Variants in EXOC4 observed in about 807,000 individuals in gnomAD.
EXOC4 encodes SEC8-like 1.
Under a neutral mutation model 107.2 loss-of-function variants are expected in EXOC4, and 71 were observed. The observed-to-expected ratio is 0.66, with a 90% CI of 0.55 to 0.81. The LOEUF (loss-of-function observed/expected upper bound fraction) is 0.81, where lower values mean the gene tolerates loss of function less well. Ranked by LOEUF, EXOC4 falls within the 30% of genes least tolerant of loss-of-function variation. The probability of loss-of-function intolerance (pLI) is 0.00; values close to 1 mark genes in which losing one functional copy is unlikely to be tolerated. For missense variants in EXOC4, 1,108 were observed against 1,189.6 expected, an observed-to-expected ratio of 0.93 and a Z score of 1.01; for synonymous variants, 456 against 441.2, an observed-to-expected ratio of 1.03 and a Z score of -0.42.
chr7:133,395,270 C>T (rs1314722655), intron 7 of EXOC4, among the ~76,000 whole-genome samples: 2 of 152,056 alleles, frequency 1.3e-5, no homozygotes, highest in Non-Finnish European at 2.9e-5. Context: ...TAAAATTTTT[C>T]TCTACCCACA....
At chr7:134,055,854 C>T (rs1229091214) in intron 17 of EXOC4, among the ~76,000 whole-genome samples, 1 of 152,134 alleles carries the variant, frequency 6.6e-6, no homozygotes, top group African/African-American at 2.4e-5. Context: ...ATAAATAAAG[C>T]TTCTTGAAGC....
chr7:133,508,119 T>A (rs557465939), intron 9 of EXOC4, among the ~76,000 whole-genome samples: 1 of 152,110 alleles, frequency 6.6e-6, no homozygotes, highest in African/African-American at 2.4e-5. Context: ...ATTTTTTTTT[T>A]ATCCATGACT....
chr7:133,325,628 C>T (rs1228099020), intron 5 of EXOC4, among the ~76,000 whole-genome samples: 2 of 152,208 alleles, frequency 1.3e-5, no homozygotes, highest in African/African-American at 4.8e-5. Flanking sequence ...ACCTTTCTCT[C>T]TGGCTGCCCT....
chr7:133,675,255 A>G (rs966357062), intron 10 of EXOC4, among the ~76,000 whole-genome samples: 6 of 152,168 alleles, frequency 3.9e-5, no homozygotes, highest in Non-Finnish European at 8.8e-5. Context: ...TCAGCTATCC[A>G]TAAATGCAAT....
intron 12 of EXOC4, among the ~76,000 whole-genome samples, chr7:133,905,408 T>C (rs1799543654): frequency 6.6e-6 from 1 of 152,084 alleles, no homozygotes. Context: ...CCCTTGGGGC[T>C]TAAAGGGAAA....
chr7:134,067,828 TC>T (rs368053093), downstream of EXOC4, among the ~76,000 whole-genome samples: 309 of 152,302 alleles, frequency 2.0e-3, 1 homozygote, highest in African/African-American at 7.3e-3. Context: ...AGCACTTCTT[TC>T]TACCTGCTCT....
intron 7 of EXOC4, among the ~76,000 whole-genome samples, chr7:133,444,547 C>T (rs978628231): frequency 1.3e-5 from 2 of 152,142 alleles, no homozygotes; most frequent in African/African-American, 4.8e-5. Context: ...AGGGTAATTC[C>T]TTACTGATGA....
At chr7:133,781,747 C>G (rs758169598) in intron 10 of EXOC4, among the ~76,000 whole-genome samples, 3 of 152,186 alleles carry the variant, frequency 2.0e-5, no homozygotes, top group Admixed American at 6.5e-5. Context: ...AGTGACTCAT[C>G]ATGATCACTG....
intron 11 of EXOC4, among the ~76,000 whole-genome samples, chr7:133,872,852 G>A (rs1174748161): frequency 1.3e-5 from 2 of 152,186 alleles, no homozygotes; most frequent in Non-Finnish European, 2.9e-5. Flanking sequence ...TTTAAGAAAT[G>A]CATACTTAAT....
chr7:133,684,158 T>C (rs1285364514), intron 10 of EXOC4, among the ~76,000 whole-genome samples: 1 of 152,186 alleles, frequency 6.6e-6, no homozygotes, highest in Non-Finnish European at 1.5e-5. Flanking sequence ...ATAAGGAACT[T>C]GAGTGAGAAC....
At chr7:133,803,566 G>A (rs1054590641) in intron 10 of EXOC4, among the ~76,000 whole-genome samples, 19 of 152,082 alleles carry the variant, frequency 1.2e-4, no homozygotes, top group Admixed American at 8.5e-4. Context: ...TATTGTAATC[G>A]AAATTCTTCT....
At chr7:134,059,171 A>G (rs1795997857) in intron 17 of EXOC4, among the ~76,000 whole-genome samples, 1 of 152,194 alleles carries the variant, frequency 6.6e-6, no homozygotes, top group Non-Finnish European at 1.5e-5. Context: ...GCCTACAAGT[A>G]CAGGAACAAG....
rs143452255 is a variant in EXOC4, at chr7:133,382,133, G to T, written c.1182+7131G>T. On this transcript the variant is annotated intron_variant, in intron 7 of 17. Coordinates refer to ENST00000253861, the MANE Select transcript of EXOC4 (RefSeq NM_021807.4). ...GTAGAGAGGGTAGAGACTAAGACAGGCAAACTATTTTGTAGGCTAGTGGAG... is the reference window on the plus strand; with the variant it reads ...GTAGAGAGGGTAGAGACTAAGACAGTCAAACTATTTTGTAGGCTAGTGGAG... Among the ~76,000 whole-genome samples the T allele has an allele frequency of 1.2e-3, 184 of 152,218 alleles. 1 individual carries two copies. Among genetic ancestry groups the T allele is most frequent in the African/African-American group, 4.2e-3 (175 of 41,542 alleles).
At chr7:133,378,309 C>CA (rs61241527) in intron 7 of EXOC4, among the ~76,000 whole-genome samples, 61,012 of 105,384 alleles carry the variant, frequency 0.58, 15,109 homozygotes, top group East Asian at 0.65. Flanking sequence ...GACTCCATCT[C>CA]AAAAAAAAAA....
intron 6 of EXOC4, among the ~76,000 whole-genome samples, chr7:133,365,954 A>T (rs966488983): frequency 6.6e-6 from 1 of 152,194 alleles, no homozygotes; most frequent in Admixed American, 6.5e-5. Context: ...TTCTATGGTT[A>T]TTGCTTTTGT....
chr7:133,993,784 A>G (rs979261406), intron 14 of EXOC4, among the ~76,000 whole-genome samples: 3 of 152,222 alleles, frequency 2.0e-5, no homozygotes, highest in African/African-American at 7.2e-5. Context: ...TCAGAAAAGC[A>G]GGGAAAGTGG....
intron 11 of EXOC4, among the ~76,000 whole-genome samples, chr7:133,822,420 A>T (rs191663632): frequency 6.6e-6 from 1 of 152,200 alleles, no homozygotes; most frequent in East Asian, 1.9e-4. Context: ...AAGGTTTTTG[A>T]CCCCTTACCC....
chr7:133,778,444 G>T (rs182155309), intron 10 of EXOC4, among the ~76,000 whole-genome samples: 1 of 152,100 alleles, frequency 6.6e-6, no homozygotes, highest in Admixed American at 6.5e-5. Flanking sequence ...AAAATTAGCT[G>T]GGCTTGGCGT....
At chr7:134,049,032 G>C (rs778627356) in intron 17 of EXOC4, among the ~76,000 whole-genome samples, 2 of 152,150 alleles carry the variant, frequency 1.3e-5, no homozygotes, top group Non-Finnish European at 2.9e-5. Flanking sequence ...ATTGGTTCCA[G>C]ATTCCAGGGT....
Sources: allele counts gnomAD v4.1 joint callset (sites outside exome capture counted in the v4.1 genomes callset), GRCh38; gene constraint gnomAD v4.1.1; transcripts MANE v1.5; gene names NCBI Gene and HGNC (gene_info 2026-07-23, HGNC 2026-07-21).